GMPR: variants seen among roughly 807,000 people sequenced by gnomAD.
GMPR encodes the protein GMP reductase 1.
Under a neutral mutation model 38.4 loss-of-function variants are expected in GMPR, and 31 were observed. That is an observed-to-expected ratio of 0.81 (90% CI 0.61 to 1.09). The LOEUF (loss-of-function observed/expected upper bound fraction) is 1.09, where lower values mean the gene tolerates loss of function less well. Among genes scored for constraint, GMPR ranks in the 50% least tolerant of loss-of-function variants. The pLI, the probability that GMPR is intolerant of heterozygous loss-of-function variation, is 0.00. For synonymous variants in GMPR, 162 were observed against 173.3 expected (o/e 0.93, Z 0.51); for missense variants, 468 against 453.7 (o/e 1.03, Z -0.29).
chr6:16,295,100 T>C lies in GMPR; in HGVS notation c.952T>C (p.Tyr318His), dbSNP rs1057339387. 1.3e-6 allele frequency: 2 copies of C among 1,580,442 alleles called. No homozygotes were observed. Among genetic ancestry groups the C allele is most frequent in the South Asian group, 2.3e-5 (2 of 87,590 alleles). Residue 318 changes from tyrosine (Y) to histidine (H), a missense_variant, in exon 9 of 9, where the codon TAC becomes CAC. Transcript: ENST00000259727. ...ILGGLRSTCT[Y>H]VGAAKLKELS... ...CGGGGGACTGAGGTCCACGTGCACC[T>C]ACGTGGGGGCCGCCAAACTCAAGGA...
intron 8 of GMPR, among the ~76,000 whole-genome samples, chr6:16,292,775 CAAG>C (rs747555515): frequency 2.7e-4 from 41 of 152,046 alleles, no homozygotes; most frequent in Admixed American, 1.6e-3. Flanking sequence ...ATTATAGAAT[CAAG>C]AAGACCAGAG....
At chr6:16,246,230 G>A (rs893857150) in intron 1 of GMPR, among the ~76,000 whole-genome samples, 3 of 152,240 alleles carry the variant, frequency 2.0e-5, no homozygotes, top group Non-Finnish European at 2.9e-5. Flanking sequence ...TACATGCCCC[G>A]ATCTTGAAGT....
At chr6:16,266,598 C>CT (rs1184910401) in intron 4 of GMPR, among the ~76,000 whole-genome samples, 1 of 151,320 alleles carries the variant, frequency 6.6e-6, no homozygotes, top group African/African-American at 2.4e-5. Flanking sequence ...GTCAGGAGAT[C>CT]ATAACCATCC....
In GMPR at chr6:16,290,509, A is replaced by G. The variant is rs1759819529; in HGVS notation, c.745A>G (p.Thr249Ala). 2 of 1,614,036 alleles carry G rather than the reference A, an allele frequency of 1.2e-6. No homozygotes were observed. Among genetic ancestry groups the G allele is most frequent in the Non-Finnish European group, 1.7e-6 (2 of 1,179,900 alleles). Reference protein sequence around the residue: ...VMLGGMFSGHTECAGEVFERN... With the variant: ...VMLGGMFSGHAECAGEVFERN... ...GCTGGGAGGAATGTTTTCGGGTCAT[A>G]CGGAGTGTGCTGGAGAAGTGTTTGA... is the stretch of plus-strand genomic sequence containing the variant. The change falls in exon 8 of 9, where the codon ACG (threonine) becomes GCG (alanine). Residue 249 changes from threonine (T) to alanine (A), a missense_variant. Transcript: ENST00000259727.
At chr6:16,284,177 G>C (rs1759627958) in intron 6 of GMPR, among the ~76,000 whole-genome samples, 2 of 152,210 alleles carry the variant, frequency 1.3e-5, no homozygotes, top group African/African-American at 2.4e-5. Context: ...GTAAATGTTT[G>C]TAAAGAAAAG....
At chr6:16,241,499 C>A (rs559723887) in intron 1 of GMPR, among the ~76,000 whole-genome samples, 3 of 152,194 alleles carry the variant, frequency 2.0e-5, no homozygotes, top group African/African-American at 7.2e-5. Context: ...CCTGGATTCT[C>A]CAGGGAGGCA....
chr6:16,250,469 G>A, intron 3 of GMPR, 102 bp downstream of exon 3: 1 of 762,632 alleles, frequency 1.3e-6, no homozygotes, highest in African/African-American at 1.7e-5. Context: ...GACATTGAGA[G>A]TTCGGTGTTT....
At position 16,251,687 on chromosome 6, in the gene GMPR, G is replaced by C. The variant is rs147747847; in HGVS notation, c.291+1320G>C. ...ATTAGTGGCCTGAGGGGCTGAGGAAGTTTGAGAGGGAGTGTGGTTAAGGGG... is the reference window on the plus strand; with the variant it reads ...ATTAGTGGCCTGAGGGGCTGAGGAACTTTGAGAGGGAGTGTGGTTAAGGGG... On this transcript the variant is annotated intron_variant, in intron 3 of 8. Coordinates refer to ENST00000259727, the MANE Select transcript of GMPR (RefSeq NM_006877.4). 1.3e-4 allele frequency among the ~76,000 whole-genome samples: 20 copies of C among 152,336 alleles called. No homozygotes were observed. In the East Asian group the frequency reaches 3.3e-3, roughly 25 times the overall value.
In GMPR at chr6:16,293,038, CTT is replaced by C. The variant is rs1554135127; in HGVS notation, c.858-1967_858-1966del. On this transcript the variant is annotated intron_variant, in intron 8 of 8. Coordinates refer to ENST00000259727, the MANE Select transcript of GMPR (RefSeq NM_006877.4). ...TGAGTCTCTCTCTCTCTCTCTCTCT[CTT>C]AGTTTTCAGCCCGTGACCATGATCT... 1.6e-3 allele frequency among the ~76,000 whole-genome samples: 251 copies of C among 152,158 alleles called. 2 individuals carry two copies. The highest frequency in any genetic ancestry group is 6.6e-3 in the South Asian group (32 of 4,818).
intron 7 of GMPR, among the ~76,000 whole-genome samples, chr6:16,288,475 C>T (rs1014062489): frequency 4.6e-5 from 7 of 152,214 alleles, no homozygotes; most frequent in African/African-American, 1.4e-4. Flanking sequence ...TCTGGCTGGG[C>T]CTTAGCTGCC....
intron 4 of GMPR, chr6:16,264,573 A>G (rs958454781): frequency 6.6e-6 from 1 of 152,194 alleles, no homozygotes; most frequent in East Asian, 1.9e-4. Flanking sequence ...GCTGAGTCCG[A>G]AAAGAGAGTC....
At chr6:16,272,976 T>C (rs543216981) in intron 4 of GMPR, among the ~76,000 whole-genome samples, 1 of 152,314 alleles carries the variant, frequency 6.6e-6, no homozygotes, top group Admixed American at 6.5e-5. Flanking sequence ...TTTTTAGTTT[T>C]TATGTAGACA....
chr6:16,254,515 C>T, intron 3 of GMPR, 47 bp from the exon 4 acceptor site: 2 of 1,547,228 alleles, frequency 1.3e-6, no homozygotes, highest in Non-Finnish European at 1.8e-6. Flanking sequence ...GGTCTGATGT[C>T]TGAATGCTAC....
At chr6:16,269,240 A>G (rs956604839) in intron 4 of GMPR, among the ~76,000 whole-genome samples, 1 of 152,122 alleles carries the variant, frequency 6.6e-6, no homozygotes, top group African/African-American at 2.4e-5. Context: ...AAGTGGGTAC[A>G]TCCACCCCCA....
At chr6:16,282,925 C>T (rs913420931) in intron 6 of GMPR, among the ~76,000 whole-genome samples, 1 of 151,962 alleles carries the variant, frequency 6.6e-6, no homozygotes. Flanking sequence ...AGTCCTGCCT[C>T]AGCCTCCCGA....
At chr6:16,291,532 A>G (rs566159247) in intron 8 of GMPR, among the ~76,000 whole-genome samples, 17 of 152,198 alleles carry the variant, frequency 1.1e-4, no homozygotes, top group Admixed American at 2.0e-4. Flanking sequence ...CTCCTGATGC[A>G]TGTTTTTAAT....
intron 7 of GMPR, among the ~76,000 whole-genome samples, chr6:16,289,164 C>T (rs531464122): frequency 8.6e-4 from 131 of 152,198 alleles, no homozygotes; most frequent in Middle Eastern, 3.2e-3. Flanking sequence ...CCGGGAAGGT[C>T]TATAGCTTCA....
At chr6:16,261,295 G>C (rs535490762) in intron 4 of GMPR, among the ~76,000 whole-genome samples, 1 of 152,164 alleles carries the variant, frequency 6.6e-6, no homozygotes, top group Admixed American at 6.6e-5. Context: ...ATTATGCTTA[G>C]ATAGGTAACA....
At chr6:16,269,939 C>G (rs746111528) in intron 4 of GMPR, among the ~76,000 whole-genome samples, 4 of 152,200 alleles carry the variant, frequency 2.6e-5, no homozygotes, top group Non-Finnish European at 5.9e-5. Context: ...TTCATTGTCA[C>G]CTCATGTGGA....
Sources: gnomAD v4.1 joint callset for allele counts (sites outside exome capture counted in the v4.1 genomes callset) on GRCh38, gnomAD v4.1.1 for gene constraint, MANE v1.5 for transcripts, NCBI Gene and HGNC (gene_info 2026-07-23, HGNC 2026-07-21) for gene names.